The following CDH18 variants were observed in gnomAD, a reference collection of about 807,000 sequenced individuals.
The protein encoded by CDH18 is cadherin 18.
CDH18 carries 31 observed loss-of-function variants against 67.9 expected under a neutral mutation model. The observed-to-expected ratio is 0.46, with a 90% CI of 0.34 to 0.62. CDH18 has a LOEUF of 0.62. CDH18 is among the 20% of genes least tolerant of loss of function. The probability of loss-of-function intolerance (pLI) is 0.01; values close to 1 mark genes in which losing one functional copy is unlikely to be tolerated. For synonymous variants in CDH18, 362 were observed against 347.2 expected (o/e 1.04, Z -0.48); for missense variants, 890 against 975.5 (o/e 0.91, Z 1.17).
At chr5:20,322,441 AGG>A in intron 1 of CDH18, among the ~76,000 whole-genome samples, 1 of 152,264 alleles carries the variant, frequency 6.6e-6, no homozygotes, top group East Asian at 1.9e-4. Context: ...AGCAGATATG[AGG>A]AGTGTGTCAG....
chr5:20,062,140 A>AATTATTATTATTATT (rs113839953), intron 2 of CDH18, among the ~76,000 whole-genome samples: 19,507 of 137,694 alleles, frequency 0.14, 1,654 homozygotes, highest in Non-Finnish European at 0.17. Context: ...TTAAGCCCAG[A>AATTATTATTATTATT]ATTATTATTA....
intron 1 of CDH18, among the ~76,000 whole-genome samples, chr5:20,405,290 A>G (rs1002077962): frequency 7.9e-5 from 12 of 152,202 alleles, no homozygotes; most frequent in Non-Finnish European, 1.0e-4. Context: ...CCACACATCT[A>G]CAACTATCTG....
intron 6 of CDH18, among the ~76,000 whole-genome samples, chr5:19,604,547 A>G (rs1275617272): frequency 1.3e-5 from 2 of 150,322 alleles, no homozygotes; most frequent in Non-Finnish European, 1.5e-5. Flanking sequence ...ACACACACAC[A>G]CACACACACA....
chr5:20,570,212 C>T (rs892478075), intron 1 of CDH18, among the ~76,000 whole-genome samples: 1 of 152,108 alleles, frequency 6.6e-6, no homozygotes, highest in African/African-American at 2.4e-5. Context: ...AATGGTTCTT[C>T]CATTGCAACA....
intron 5 of CDH18, among the ~76,000 whole-genome samples, chr5:19,689,505 G>A (rs544073190): frequency 2.6e-5 from 4 of 152,010 alleles, no homozygotes; most frequent in African/African-American, 9.6e-5. Context: ...ATAACTATTA[G>A]ATCATCCCTA....
At chr5:19,597,797 A>C (rs1053935714) in intron 6 of CDH18, among the ~76,000 whole-genome samples, 1 of 152,306 alleles carries the variant, frequency 6.6e-6, no homozygotes, top group Non-Finnish European at 1.5e-5. Flanking sequence ...TCATCCCCTT[A>C]TATAACTTAA....
intron 1 of CDH18, among the ~76,000 whole-genome samples, chr5:20,285,336 G>A (rs1746603395): frequency 6.7e-6 from 1 of 148,934 alleles, no homozygotes; most frequent in Non-Finnish European, 1.5e-5. Context: ...TTGTTTTTTT[G>A]GTCCCTGAGA....
chr5:20,445,071 C>A (rs1749906493), intron 1 of CDH18, among the ~76,000 whole-genome samples: 1 of 152,130 alleles, frequency 6.6e-6, no homozygotes, highest in Admixed American at 6.5e-5. Context: ...TGCCTTTATA[C>A]ACTACTTTTA....
intron 3 of CDH18, among the ~76,000 whole-genome samples, chr5:19,817,687 G>A (rs910587772): frequency 6.6e-6 from 1 of 152,032 alleles, no homozygotes; most frequent in African/African-American, 2.4e-5. Context: ...CTACTAGGCA[G>A]GCACTATGAC....
intron 1 of CDH18, among the ~76,000 whole-genome samples, chr5:20,563,545 A>C (rs11957714): frequency 6.6e-6 from 1 of 151,876 alleles, no homozygotes; most frequent in African/African-American, 2.4e-5. Context: ...AAACTACTTA[A>C]ATGTCAATTT....
intron 3 of CDH18, among the ~76,000 whole-genome samples, chr5:19,831,476 C>A (rs1781026397): frequency 6.6e-6 from 1 of 151,888 alleles, no homozygotes; most frequent in South Asian, 2.1e-4. Flanking sequence ...AGAAGACATA[C>A]AAGTAGCCAA....
chr5:19,494,519 G>A (rs1048102692), intron 11 of CDH18, among the ~76,000 whole-genome samples: 13 of 152,166 alleles, frequency 8.5e-5, no homozygotes, highest in Non-Finnish European at 1.8e-4. Flanking sequence ...GCTCACTGAT[G>A]CAGTTTTTAA....
At chr5:19,500,264 G>C (rs1278322588) in intron 11 of CDH18, among the ~76,000 whole-genome samples, 1 of 152,084 alleles carries the variant, frequency 6.6e-6, no homozygotes, top group East Asian at 1.9e-4. Flanking sequence ...TATGTATACA[G>C]TTTGGTAGGG....
At chr5:20,275,082 AT>A (rs930350148) in intron 1 of CDH18, among the ~76,000 whole-genome samples, 5 of 150,460 alleles carry the variant, frequency 3.3e-5, no homozygotes, top group African/African-American at 4.9e-5. Context: ...AAAGCTAAAG[AT>A]TTTTTTTTTA....
chr5:20,161,076 A>G lies in CDH18; in HGVS notation c.-518+94368T>C, dbSNP rs1735856308. Among the ~76,000 whole-genome samples, 3 of 152,232 alleles carry G rather than the reference A, an allele frequency of 2.0e-5. No homozygotes were observed. The South Asian group carries it at 6.2e-4, about 32-fold the overall frequency. ...GTTTGGAAAAGAGATCTTATGACTCACAAAGTCAAAAATAATTACAACTTG... is the reference window on the plus strand; with the variant it reads ...GTTTGGAAAAGAGATCTTATGACTCGCAAAGTCAAAAATAATTACAACTTG... On this transcript the variant is annotated intron_variant, in intron 2 of 14. Transcript: ENST00000507958.
chr5:20,535,905 A>G (rs1218318617), intron 1 of CDH18, among the ~76,000 whole-genome samples: 1 of 152,100 alleles, frequency 6.6e-6, no homozygotes, highest in East Asian at 1.9e-4. Context: ...TATGTTTCCT[A>G]ATTCAACCAG....
At chr5:20,489,251 T>C (rs767583891) in intron 1 of CDH18, among the ~76,000 whole-genome samples, 6 of 152,024 alleles carry the variant, frequency 3.9e-5, no homozygotes, top group African/African-American at 1.4e-4. Context: ...CTCACAATTT[T>C]AAGCTAATGT....
rs146866415 is a variant in CDH18 at position 20,188,805 on chromosome 5, T to A, written c.-518+66639A>T. ...CAGCCATTTTCTTTATTTGCTATTC[T>A]TATTGTGGCAAAAAAAAAAAGTCCC... On this transcript the variant is annotated intron_variant, in intron 2 of 14. Transcript: ENST00000507958. Among the ~76,000 whole-genome samples, 3 of 149,260 alleles carry A rather than the reference T, an allele frequency of 2.0e-5. No homozygotes were observed. The South Asian group carries it at 6.3e-4, about 31-fold the overall frequency.
intron 2 of CDH18, among the ~76,000 whole-genome samples, chr5:20,092,786 T>C (rs1289343118): frequency 2.0e-5 from 3 of 152,132 alleles, no homozygotes; most frequent in East Asian, 3.9e-4. Flanking sequence ...TTTAATATCT[T>C]AGAACCCAAA....
Sources: allele counts gnomAD v4.1 joint callset (sites outside exome capture counted in the v4.1 genomes callset), GRCh38; gene constraint gnomAD v4.1.1; transcripts MANE v1.5; gene names NCBI Gene and HGNC (gene_info 2026-07-23, HGNC 2026-07-21).